The following TMEM131L variants were observed in gnomAD, a reference collection of about 807,000 sequenced individuals.
TMEM131L encodes transmembrane protein 131-like.
In TMEM131L, 54 loss-of-function variants were observed where a neutral mutation model predicts 192.2. The ratio of observed to expected loss-of-function variants is 0.28; its 90% confidence interval spans 0.23 to 0.35. The LOEUF is 0.35. TMEM131L is among the 10% of genes least tolerant of loss of function. The pLI is 1.00. For missense variants in TMEM131L, 1,888 were observed against 1,972.9 expected (o/e 0.96, Z 0.82); for synonymous variants, 701 against 704.9 (o/e 0.99, Z 0.09).
chr4:153,547,266 T>C (rs986194206), intron 3 of TMEM131L, among the ~76,000 whole-genome samples: 1 of 152,266 alleles, frequency 6.6e-6, no homozygotes, highest in Non-Finnish European at 1.5e-5. Context: ...GTCTGATTTT[T>C]ATTGGGTATG....
In TMEM131L at chr4:153,512,787, G is replaced by A. The variant is rs143135247; in HGVS notation, c.240-37286G>A. 6.3e-3 allele frequency among the ~76,000 whole-genome samples: 959 copies of A among 152,166 alleles called. 11 individuals are homozygous for A. The highest frequency in any genetic ancestry group is 0.022 in the African/African-American group (900 of 41,480). On this transcript the variant is annotated intron_variant, in intron 3 of 34. Transcript: ENST00000409959. ...AGCCACCAAGCTCAGCTAATTTTTTGTGTTTTAGTAGAGATGGGGTTTCAC... is the reference window on the plus strand; with the variant it reads ...AGCCACCAAGCTCAGCTAATTTTTTATGTTTTAGTAGAGATGGGGTTTCAC...
At chr4:153,596,161 A>G in intron 19 of TMEM131L, 97 bp from the exon 20 acceptor site, 2 of 1,410,762 alleles carry the variant, frequency 1.4e-6, no homozygotes, top group East Asian at 2.3e-5. Context: ...CTGGACATTA[A>G]AAGAGAAGCA....
At chr4:153,492,558 A>T (rs1267319979) in intron 3 of TMEM131L, among the ~76,000 whole-genome samples, 1 of 152,220 alleles carries the variant, frequency 6.6e-6, no homozygotes, top group Non-Finnish European at 1.5e-5. Context: ...TGATGTAATA[A>T]GTGATTAGAA....
intron 3 of TMEM131L, among the ~76,000 whole-genome samples, chr4:153,532,359 GC>G (rs1485656838): frequency 6.6e-6 from 1 of 151,942 alleles, no homozygotes; most frequent in Non-Finnish European, 1.5e-5. Context: ...TGTAGAAATG[GC>G]CTCCTCTTTC....
chr4:153,469,256 A>G (rs1317276316), intron 2 of TMEM131L, among the ~76,000 whole-genome samples: 2 of 150,986 alleles, frequency 1.3e-5, no homozygotes, highest in African/African-American at 4.9e-5. Flanking sequence ...CCATATCTCT[A>G]CGTATACCTT....
At chr4:153,618,851 T>C (rs1733182609) in intron 26 of TMEM131L, among the ~76,000 whole-genome samples, 2 of 152,204 alleles carry the variant, frequency 1.3e-5, no homozygotes, top group African/African-American at 2.4e-5. Flanking sequence ...CTGTGTGCTC[T>C]GGCTCACTTT....
intron 21 of TMEM131L, among the ~76,000 whole-genome samples, chr4:153,599,605 C>G (rs1731690453): frequency 6.6e-6 from 1 of 152,152 alleles, no homozygotes; most frequent in Non-Finnish European, 1.5e-5. Context: ...ATACATGAAG[C>G]AGTTAATTTG....
Position 153,558,284 on chromosome 4 carries a change from C to A in TMEM131L, c.576C>A (p.Ile192=). 1 of 1,599,936 alleles carries A rather than the reference C, an allele frequency of 6.3e-7. No individual in the cohort carries two copies. Among genetic ancestry groups the A allele is most frequent in the Non-Finnish European group, 8.6e-7 (1 of 1,168,948 alleles). Residue 192 remains isoleucine (I), a synonymous_variant, in exon 7 of 35, where the codon ATC becomes ATA. Coordinates refer to ENST00000409959, the MANE Select transcript of TMEM131L (RefSeq NM_001131007.2). Reference sequence around the variant, plus strand: ...TATCTGGAATTGGCACTCGTAGAATCTCTACAGAAGGGTCTGCAAAGCAGC... The same window carrying A: ...TATCTGGAATTGGCACTCGTAGAATATCTACAGAAGGGTCTGCAAAGCAGC... ...YHVSGIGTRR[I]STEGSAKQLP...
intron 3 of TMEM131L, among the ~76,000 whole-genome samples, chr4:153,495,807 G>C (rs1733134516): frequency 6.6e-6 from 1 of 152,158 alleles, no homozygotes; most frequent in South Asian, 2.1e-4. Context: ...AATCTTTGTA[G>C]CTATCTTATT....
intron 4 of TMEM131L, among the ~76,000 whole-genome samples, chr4:153,550,542 G>GAGA (rs1561183315): frequency 1.3e-5 from 2 of 152,144 alleles, no homozygotes; most frequent in Non-Finnish European, 2.9e-5. Context: ...TCGCCAGGAT[G>GAGA]GTCTTGATCT....
intron 3 of TMEM131L, among the ~76,000 whole-genome samples, chr4:153,532,258 A>G (rs910585240): frequency 1.6e-4 from 25 of 152,172 alleles, no homozygotes; most frequent in Non-Finnish European, 3.1e-4. Flanking sequence ...TGCATATGGC[A>G]TTTTCATTAT....
chr4:153,477,933 C>G (rs1731666555), intron 3 of TMEM131L, among the ~76,000 whole-genome samples: 1 of 152,140 alleles, frequency 6.6e-6, no homozygotes, highest in African/African-American at 2.4e-5. Flanking sequence ...ATTTTGTCTT[C>G]CCGAAAGAAG....
At chr4:153,522,035 A>G (rs187534751) in intron 3 of TMEM131L, among the ~76,000 whole-genome samples, 52 of 152,316 alleles carry the variant, frequency 3.4e-4, no homozygotes, top group Non-Finnish European at 4.4e-5. Context: ...CTTAAAGCAG[A>G]ATCGTTTAGA....
At chr4:153,511,294 C>T (rs1331276106) in intron 3 of TMEM131L, among the ~76,000 whole-genome samples, 2 of 152,146 alleles carry the variant, frequency 1.3e-5, no homozygotes, top group Admixed American at 6.5e-5. Flanking sequence ...TGGAATACTA[C>T]ACAGCCATCA....
At chr4:153,535,322 G>C (rs1736233402) in intron 3 of TMEM131L, among the ~76,000 whole-genome samples, 1 of 152,176 alleles carries the variant, frequency 6.6e-6, no homozygotes, top group African/African-American at 2.4e-5. Flanking sequence ...GTTTTGGGAT[G>C]TCTTTTCGAC....
chr4:153,635,567 C>T lies in TMEM131L; in HGVS notation c.4553C>T (p.Ser1518Phe), dbSNP rs201480266. 1 of 1,614,158 alleles carries T rather than the reference C, an allele frequency of 6.2e-7. No homozygotes were observed. Among genetic ancestry groups the T allele is most frequent in the South Asian group, 1.1e-5 (1 of 91,078 alleles). ...TGGGGACATGCCAGTTTCATCAGCT[C>T]TCCGGTCAGTGTTGCCCATCCTGTG... ...AAWGHASFIS[S>F]PPYLTSTRSL... The change falls in exon 34 of 35, where the codon TCT (serine) becomes TTT (phenylalanine). Residue 1518 changes from serine to phenylalanine, a missense_variant. Coordinates refer to ENST00000409959, the MANE Select transcript of TMEM131L (RefSeq NM_001131007.2).
chr4:153,604,011 C>A lies in TMEM131L; in HGVS notation c.2999C>A (p.Thr1000Lys). ...TSTAAASSTS[T>K]TTEEKQTSPL... ...ACAGCTGCGGCCAGCAGCACCAGCA[C>A]GACTACTGAGGAAAAACAGACTTCA... Residue 1000 changes from threonine to lysine, a missense_variant, in exon 25 of 35, where the codon ACG (threonine) becomes AAG (lysine). Thr to Lys is a moderately conservative substitution (Grantham distance 78). Coordinates refer to ENST00000409959, the MANE Select transcript of TMEM131L (RefSeq NM_001131007.2). 2 of 1,614,118 alleles carry A rather than the reference C, an allele frequency of 1.2e-6. No individual in the cohort carries two copies. The highest frequency in any genetic ancestry group is 1.1e-5 in the South Asian group (1 of 91,082).
intron 3 of TMEM131L, among the ~76,000 whole-genome samples, chr4:153,521,606 C>T (rs191174681): frequency 6.6e-6 from 1 of 152,248 alleles, no homozygotes; most frequent in African/African-American, 2.4e-5. Context: ...TACAGAGCAA[C>T]TATCGCCACC....
chr4:153,545,318 C>T (rs962379061), intron 3 of TMEM131L, among the ~76,000 whole-genome samples: 21 of 125,132 alleles, frequency 1.7e-4, no homozygotes, highest in African/African-American at 5.8e-4. Context: ...GATGGAGTCT[C>T]GCTCTGTCGC....
Sources: allele counts gnomAD v4.1 joint callset (sites outside exome capture counted in the v4.1 genomes callset), GRCh38; gene constraint gnomAD v4.1.1; transcripts MANE v1.5; gene names NCBI Gene and HGNC (gene_info 2026-07-23, HGNC 2026-07-21).